The following ASH1L variants were observed in gnomAD, a reference collection of about 807,000 sequenced individuals.
ASH1L encodes histone-lysine N-methyltransferase ASH1L.
ASH1L carries 23 observed loss-of-function variants against 269.0 expected under a neutral mutation model. That is an observed-to-expected ratio of 0.09 (90% CI 0.06 to 0.12). The LOEUF is 0.12. ASH1L is among the 10% of genes least tolerant of loss of function. The pLI is 1.00. For synonymous variants in ASH1L, 1,187 were observed against 1,253.5 expected (o/e 0.95, Z 1.12); for missense variants, 2,912 against 3,567.8 (o/e 0.82, Z 4.68).
chr1:155,373,211 T>TA (rs1053052926), intron 10 of ASH1L, among the ~76,000 whole-genome samples: 60 of 112,592 alleles, frequency 5.3e-4, no homozygotes, highest in South Asian at 1.1e-3. Flanking sequence ...AGGCTCTGTC[T>TA]AAAAAAAAAA....
In ASH1L at chr1:155,335,904, C is replaced by T. The variant is rs1652273426; in HGVS notation, c.*1756G>A. 6.6e-6 allele frequency: 1 copy of T among 152,536 alleles called. No individual in the cohort carries two copies. The highest frequency in any genetic ancestry group is 2.4e-5 in the African/African-American group (1 of 41,350). 9.4% of individuals were successfully genotyped at this position (152,536 alleles called of 1,614,324 possible). On this transcript the variant is annotated 3_prime_UTR_variant, in exon 28 of 28. Coordinates refer to ENST00000392403, the MANE Select transcript of ASH1L (RefSeq NM_018489.3). ...CCCCTAGTCCCACCTCCCTCCCACC[C>T]ACTCCCTGCAATGAAAAACAAAAGA...
chr1:155,466,563 A>C (rs1476845696), intron 3 of ASH1L, among the ~76,000 whole-genome samples: 1 of 152,114 alleles, frequency 6.6e-6, no homozygotes, highest in Non-Finnish European at 1.5e-5. Context: ...TCATGTTTTA[A>C]ATCTTTTTAA....
At chr1:155,399,735 G>A (rs538451875) in intron 6 of ASH1L, among the ~76,000 whole-genome samples, 2 of 146,048 alleles carry the variant, frequency 1.4e-5, no homozygotes, top group South Asian at 4.3e-4. Context: ...AGAAAGAAAA[G>A]TAATTGTAAT....
At chr1:155,368,162 T>G (rs1262011996) in intron 12 of ASH1L, among the ~76,000 whole-genome samples, 1 of 151,996 alleles carries the variant, frequency 6.6e-6, no homozygotes, top group African/African-American at 2.4e-5. Flanking sequence ...ATATTTAAAT[T>G]TTATCTTTAA....
intron 9 of ASH1L, 36 bp from the exon 10 acceptor site, chr1:155,378,425 C>T (rs780025250): frequency 4.5e-5 from 72 of 1,609,564 alleles, no homozygotes; most frequent in Middle Eastern, 3.3e-4. Context: ...TGTGAACATA[C>T]AGGATAATTT....
At chr1:155,397,327 T>C (rs575226179) in intron 6 of ASH1L, among the ~76,000 whole-genome samples, 7,930 of 151,636 alleles carry the variant, frequency 0.052, 698 homozygotes, top group African/African-American at 0.18. Flanking sequence ...TAAAACCCTG[T>C]CTCTACTAAA....
chr1:155,476,092 G>A (rs1665518390), intron 3 of ASH1L, among the ~76,000 whole-genome samples: 3 of 151,974 alleles, frequency 2.0e-5, no homozygotes, highest in African/African-American at 7.3e-5. Context: ...CTCTCTTTAC[G>A]TTGTTAAAAG....
At chr1:155,496,176 T>A (rs867375954) in intron 2 of ASH1L, among the ~76,000 whole-genome samples, 3 of 152,176 alleles carry the variant, frequency 2.0e-5, no homozygotes, top group Admixed American at 6.5e-5. Context: ...TATTTAAAAA[T>A]TTTTAAATTT....
intron 5 of ASH1L, chr1:155,433,030 A>G: frequency 1.1e-6 from 1 of 935,790 alleles, no homozygotes; most frequent in Non-Finnish European, 1.5e-6. Flanking sequence ...CTCAAACTAC[A>G]GTAAAGGCAG....
rs899228162 is a variant in ASH1L, at chr1:155,336,670, T to C, written c.*990A>G. On this transcript the variant is annotated 3_prime_UTR_variant, in exon 28 of 28. Transcript: ENST00000392403. Reference sequence around the variant, plus strand: ...ATACTGTCTCTTTAAGAAAGGGACATTGAAAACTGTACAATTAAGAAAACA... The same window carrying C: ...ATACTGTCTCTTTAAGAAAGGGACACTGAAAACTGTACAATTAAGAAAACA... The C allele has an allele frequency of 1.3e-5, 2 of 152,504 alleles. No individual in the cohort carries two copies. Among genetic ancestry groups the C allele is most frequent in the African/African-American group, 4.8e-5 (2 of 41,372 alleles). The allele number at this position is 152,504 out of a possible 1,614,324, so 9.4% of individuals were successfully genotyped here.
chr1:155,514,509 CTT>C (rs1668374237), intron 2 of ASH1L, among the ~76,000 whole-genome samples: 2 of 151,872 alleles, frequency 1.3e-5, no homozygotes, highest in Admixed American at 6.6e-5. Context: ...GCATTTCTCA[CTT>C]TATGTTTTTT....
intron 12 of ASH1L, among the ~76,000 whole-genome samples, chr1:155,363,183 A>C (rs1655114902): frequency 6.6e-6 from 1 of 152,116 alleles, no homozygotes; most frequent in South Asian, 2.1e-4. Flanking sequence ...GGATTTCTCC[A>C]CGTTGGTCAG....
At chr1:155,510,155 C>A (rs1371837471) in intron 2 of ASH1L, among the ~76,000 whole-genome samples, 3 of 151,950 alleles carry the variant, frequency 2.0e-5, no homozygotes, top group Non-Finnish European at 4.4e-5. Context: ...GCGGCTCGTG[C>A]CTATAATCCC....
intron 1 of ASH1L, among the ~76,000 whole-genome samples, chr1:155,552,948 C>T (rs1366119075): frequency 9.2e-5 from 14 of 152,112 alleles, no homozygotes; most frequent in Non-Finnish European, 2.1e-4. Context: ...ACACATTATA[C>T]ATATCATCTC....
chr1:155,363,167 C>A (rs1655113109), intron 12 of ASH1L, among the ~76,000 whole-genome samples: 1 of 151,800 alleles, frequency 6.6e-6, no homozygotes, highest in Non-Finnish European at 1.5e-5. Context: ...ATTTTTAGTA[C>A]AGACGGGATT....
At chr1:155,484,902 C>G in intron 2 of ASH1L, among the ~76,000 whole-genome samples, 1 of 138,672 alleles carries the variant, frequency 7.2e-6, no homozygotes, top group East Asian at 2.1e-4. Flanking sequence ...GCACTTTAGC[C>G]TAGGTGACAG....
rs1178602328 is a variant in ASH1L at position 155,517,870 on chromosome 1, G to A, written c.420+3230C>T. Among the ~76,000 whole-genome samples the A allele has an allele frequency of 7.0e-5, 9 of 127,892 alleles. No homozygotes were observed. The East Asian group carries it at 2.2e-3, about 31-fold the overall frequency. 83.9% of individuals were successfully genotyped at this position (127,892 alleles called of 152,430 possible). A position where few individuals can be genotyped will look rare whatever the true frequency, so the allele number is the denominator to read the frequency against. On this transcript the variant is annotated intron_variant, in intron 2 of 27. Coordinates refer to ENST00000392403, the MANE Select transcript of ASH1L (RefSeq NM_018489.3). ...GGCTGGAGTGCAGTGGCGGGATCTC[G>A]GCTCACTGCAAGCTCCGCCTCCCGG...
At chr1:155,417,802 T>C (rs1660339612) in intron 5 of ASH1L, among the ~76,000 whole-genome samples, 1 of 151,906 alleles carries the variant, frequency 6.6e-6, no homozygotes, top group African/African-American at 2.4e-5. Flanking sequence ...CTACTAAAAA[T>C]ACAAAATTAG....
intron 6 of ASH1L, among the ~76,000 whole-genome samples, chr1:155,404,943 G>A (rs980461946): frequency 2.6e-5 from 4 of 151,596 alleles, no homozygotes; most frequent in Non-Finnish European, 4.4e-5. Context: ...CAGGAGAATC[G>A]CTTGAACCTG....
Sources: gnomAD v4.1 joint callset for allele counts (sites outside exome capture counted in the v4.1 genomes callset) on GRCh38, gnomAD v4.1.1 for gene constraint, MANE v1.5 for transcripts, NCBI Gene and HGNC (gene_info 2026-07-23, HGNC 2026-07-21) for gene names.